The following PPP3CA variants were observed in gnomAD, a reference collection of about 807,000 sequenced individuals.
PPP3CA encodes protein phosphatase 3 catalytic subunit alpha, also known as CAM-PRP catalytic subunit.
In PPP3CA, 14 loss-of-function variants were observed where a neutral mutation model predicts 66.5. That is an observed-to-expected ratio of 0.21 (90% CI 0.14 to 0.33). The LOEUF (loss-of-function observed/expected upper bound fraction) is 0.33. Ranked by LOEUF, PPP3CA falls within the 10% of genes least tolerant of loss-of-function variation. The pLI, the probability that PPP3CA is intolerant of heterozygous loss-of-function variation, is 1.00. For missense variants in PPP3CA, 317 were observed against 639.5 expected, an observed-to-expected ratio of 0.50 and a Z score of 5.44; for synonymous variants, 232 against 226.2, an observed-to-expected ratio of 1.03 and a Z score of -0.23.
chr4:101,232,308 T>G (rs1725987570), intron 1 of PPP3CA, among the ~76,000 whole-genome samples: 1 of 151,636 alleles, frequency 6.6e-6, no homozygotes, highest in Non-Finnish European at 1.5e-5. Context: ...AATGATGAAT[T>G]GTGCTGACTG....
In PPP3CA at chr4:101,040,464, G is replaced by T; in HGVS notation, c.1241+18C>A. The T allele has an allele frequency of 6.4e-7, 1 of 1,552,276 alleles. No homozygotes were observed. Among genetic ancestry groups the T allele is most frequent in the Non-Finnish European group, 8.7e-7 (1 of 1,144,370 alleles). On this transcript the variant is annotated intron_variant, in intron 11 of 13. Transcript: ENST00000394854. Reference sequence around the variant, plus strand: ...CATAATACAATTTGAAACAAAAACAGAGTACGAATGCACCCACCTGAGCAC... The same window carrying T: ...CATAATACAATTTGAAACAAAAACATAGTACGAATGCACCCACCTGAGCAC...
chr4:101,154,061 T>C (rs1343251227), intron 2 of PPP3CA, among the ~76,000 whole-genome samples: 4 of 152,134 alleles, frequency 2.6e-5, no homozygotes, highest in Non-Finnish European at 5.9e-5. Flanking sequence ...TACTTAACAA[T>C]AGAACCAACT....
chr4:101,031,872 T>G (rs1726979826), intron 12 of PPP3CA, among the ~76,000 whole-genome samples: 1 of 152,212 alleles, frequency 6.6e-6, no homozygotes, highest in African/African-American at 2.4e-5. Flanking sequence ...AGTGGTTATG[T>G]GTGTATGTGT....
chr4:101,278,608 G>C lies in PPP3CA; in HGVS notation c.58+68131C>G, dbSNP rs1727584533. Among the ~76,000 whole-genome samples, 4 of 152,216 alleles carry C rather than the reference G, an allele frequency of 2.6e-5. No homozygotes were observed. In the South Asian group the frequency reaches 6.2e-4, roughly 24 times the overall value. ...TGTGTCCTGAAAAACAACTGATCAT[G>C]AAGGCCAACCAGGCCTACCCATAAT... On this transcript the variant is annotated intron_variant, in intron 1 of 13. Coordinates refer to ENST00000394854, the MANE Select transcript of PPP3CA (RefSeq NM_000944.5).
intron 1 of PPP3CA, among the ~76,000 whole-genome samples, chr4:101,227,006 T>C (rs1725804039): frequency 1.3e-5 from 2 of 151,782 alleles, no homozygotes; most frequent in Admixed American, 1.3e-4. Context: ...CAATTAAACA[T>C]GATCTACTTT....
intron 1 of PPP3CA, among the ~76,000 whole-genome samples, chr4:101,333,270 GTTT>G (rs70961788): frequency 2.1e-5 from 1 of 47,242 alleles, no homozygotes; most frequent in African/African-American, 6.4e-5. Context: ...ACCATGCCCA[GTTT>G]TTTTTTTTTT....
chr4:101,028,454 ACAGTG>A (rs1163555076), intron 13 of PPP3CA, among the ~76,000 whole-genome samples: 1 of 152,210 alleles, frequency 6.6e-6, no homozygotes, highest in Non-Finnish European at 1.5e-5. Context: ...AGCTCCTAGT[ACAGTG>A]CCTGGCACAA....
rs1378147435 is a variant in PPP3CA at position 101,105,168 on chromosome 4, CT to C, written c.384+3785del. Among the ~76,000 whole-genome samples the C allele has an allele frequency of 3.9e-3, 554 of 142,958 alleles. 2 individuals carry two copies. Among genetic ancestry groups the C allele is most frequent in the African/African-American group, 9.7e-3 (379 of 39,186 alleles). 93.8% of individuals were successfully genotyped at this position (142,958 alleles called of 152,430 possible). A position where few individuals can be genotyped will look rare whatever the true frequency, so the allele number is the denominator to read the frequency against. ...TTGACGTCTTTTTTTCTTTTTTTTCCTTTTTTTTTTTTTCTTTAAGATGGAG... is the reference window on the plus strand; with the variant it reads ...TTGACGTCTTTTTTTCTTTTTTTTCCTTTTTTTTTTTTCTTTAAGATGGAG... On this transcript the variant is annotated intron_variant, in intron 3 of 13. Transcript: ENST00000394854.
In PPP3CA at chr4:101,252,469, T is replaced by TA. The variant is rs1252594204; in HGVS notation, c.59-56354dup. ...TATGTGATTTTTCTCCCTCAGTTGG[T>TA]AAAAAAAAACAAAACTAAAACTAAG... is the stretch of plus-strand genomic sequence containing the variant. On this transcript the variant is annotated intron_variant, in intron 1 of 13. Coordinates refer to ENST00000394854, the MANE Select transcript of PPP3CA (RefSeq NM_000944.5). Among the ~76,000 whole-genome samples the TA allele has an allele frequency of 4.5e-3, 681 of 150,560 alleles. 3 individuals are homozygous for TA. The highest frequency in any genetic ancestry group is 0.014 in the Middle Eastern group (4 of 294).
At chr4:101,326,886 C>G (rs1382406367) in intron 1 of PPP3CA, among the ~76,000 whole-genome samples, 1 of 152,126 alleles carries the variant, frequency 6.6e-6, no homozygotes, top group Non-Finnish European at 1.5e-5. Context: ...TAATCAAAAG[C>G]AAAAGATCCC....
intron 2 of PPP3CA, among the ~76,000 whole-genome samples, chr4:101,195,329 G>C (rs906938723): frequency 2.6e-5 from 4 of 151,246 alleles, no homozygotes; most frequent in African/African-American, 9.7e-5. Context: ...AGAAAAAAAT[G>C]TGTCCTTCTT....
At chr4:101,093,062 C>G (rs1179085504) in intron 6 of PPP3CA, among the ~76,000 whole-genome samples, 1 of 152,146 alleles carries the variant, frequency 6.6e-6, no homozygotes, top group Non-Finnish European at 1.5e-5. Context: ...AACTAATTTA[C>G]ACTCCCACCA....
chr4:101,060,645 A>G (rs1728421909), intron 10 of PPP3CA, among the ~76,000 whole-genome samples: 2 of 152,176 alleles, frequency 1.3e-5, no homozygotes, highest in South Asian at 2.1e-4. Flanking sequence ...ATAAATACCA[A>G]TATATCAATA....
chr4:101,124,675 A>C (rs1489332868), intron 2 of PPP3CA, among the ~76,000 whole-genome samples: 31 of 72,630 alleles, frequency 4.3e-4, no homozygotes, highest in African/African-American at 2.1e-3. Context: ...GAAAGAAAGA[A>C]AGAAAGAAAG....
chr4:101,312,998 A>G (rs1728775037), intron 1 of PPP3CA, among the ~76,000 whole-genome samples: 1 of 152,166 alleles, frequency 6.6e-6, no homozygotes, highest in South Asian at 2.1e-4. Flanking sequence ...AATGTACAAA[A>G]TCTTATTTCT....
intron 1 of PPP3CA, among the ~76,000 whole-genome samples, chr4:101,318,945 T>C (rs1435197236): frequency 6.6e-6 from 1 of 152,096 alleles, no homozygotes; most frequent in Non-Finnish European, 1.5e-5. Flanking sequence ...TCAAACTCTC[T>C]ATATTCTTAA....
intron 1 of PPP3CA, among the ~76,000 whole-genome samples, chr4:101,291,367 T>G (rs1728018455): frequency 6.6e-6 from 1 of 152,178 alleles, no homozygotes; most frequent in Non-Finnish European, 1.5e-5. Context: ...GCATGCATTC[T>G]AATTTATTAT....
At chr4:101,098,632 C>T (rs1035005644) in intron 4 of PPP3CA, 120 bp from the exon 5 acceptor site, 3 of 802,084 alleles carry the variant, frequency 3.7e-6, no homozygotes, top group Admixed American at 3.8e-5. Flanking sequence ...AAGGCACATA[C>T]TACAAAATTC....
chr4:101,343,296 T>TAGAGGAAA, intron 1 of PPP3CA, among the ~76,000 whole-genome samples: 1 of 152,148 alleles, frequency 6.6e-6, no homozygotes, highest in Non-Finnish European at 1.5e-5. Flanking sequence ...TCTAAGTATT[T>TAGAGGAAA]TTAACTATCA....
Sources: gnomAD v4.1 joint callset for allele counts (sites outside exome capture counted in the v4.1 genomes callset) on GRCh38, gnomAD v4.1.1 for gene constraint, MANE v1.5 for transcripts, NCBI Gene and HGNC (gene_info 2026-07-23, HGNC 2026-07-21) for gene names.